UQCR10: variants seen among roughly 807,000 people sequenced by gnomAD.
The protein encoded by UQCR10 is cytochrome b-c1 complex subunit 9.
Under a neutral mutation model 6.0 loss-of-function variants are expected in UQCR10, and 5 were observed. The ratio of observed to expected loss-of-function variants is 0.83; its 90% CI spans 0.43 to 1.74. The LOEUF (loss-of-function observed/expected upper bound fraction) is 1.74, where lower values mean the gene tolerates loss of function less well. Ranked by LOEUF, UQCR10 falls within the 40% of genes most tolerant of loss-of-function variation. The probability of loss-of-function intolerance (pLI) is 0.02; values close to 1 mark genes in which losing one functional copy is unlikely to be tolerated. For synonymous variants in UQCR10, 40 were observed against 37.4 expected (o/e 1.07, Z -0.26); for missense variants, 101 against 85.1 (o/e 1.19, Z -0.74).
chr22:29,767,413 G>A lies in UQCR10; in HGVS notation c.15G>A (p.Thr5=). MAAA[T]LTSKLYSLLF... ...TGTGAAGAAACATGGCGGCCGCGAC[G>A]TTGACTTCGAAATTGTACTCCCTGC... Residue 5 remains threonine (T), a synonymous_variant, in exon 1 of 2, where the codon ACG becomes ACA. Coordinates refer to ENST00000330029, the MANE Select transcript of UQCR10 (RefSeq NM_013387.4). 6.2e-7 allele frequency: 1 copy of A among 1,613,048 alleles called. No individual in the cohort carries two copies.
rs1451300495 is a variant in UQCR10, at chr22:29,769,958, A to G, written c.*239A>G. 1.5e-6 allele frequency: 1 copy of G among 670,132 alleles called. No homozygotes were observed. The highest frequency in any genetic ancestry group is 2.1e-5 in the Admixed American group (1 of 48,752). The allele number at this position is 670,132 out of a possible 1,614,324, so 41.5% of individuals were successfully genotyped here. A position where few individuals can be genotyped will look rare whatever the true frequency, so the allele number is the denominator to read the frequency against. On this transcript the variant is annotated 3_prime_UTR_variant, in exon 2 of 2. Coordinates refer to ENST00000330029, the MANE Select transcript of UQCR10 (RefSeq NM_013387.4). ...AATTGCCCTTGAGACCTGCTTCTAC[A>G]TTGGTTGCTTTGTTAACTCTACCTG...
chr22:29,768,677 A>T (rs1339250290), intron 1 of UQCR10, among the ~76,000 whole-genome samples: 4 of 150,492 alleles, frequency 2.7e-5, no homozygotes, highest in Non-Finnish European at 5.9e-5. Flanking sequence ...CCCAGGTTGG[A>T]GTGCAGTGGC....
At chr22:29,768,252 A>G (rs2068238259) in intron 1 of UQCR10, among the ~76,000 whole-genome samples, 2 of 152,198 alleles carry the variant, frequency 1.3e-5, no homozygotes. Context: ...ATCATTGCTT[A>G]CATTCCTCAG....
At chr22:29,768,474 A>G (rs2068240320) in intron 1 of UQCR10, among the ~76,000 whole-genome samples, 1 of 152,132 alleles carries the variant, frequency 6.6e-6, no homozygotes, top group Non-Finnish European at 1.5e-5. Context: ...CACTAGTGCT[A>G]TGCTGCCTGT....
At position 29,767,608 on chromosome 22, in the gene UQCR10, G is replaced by A. The variant is rs374129740; in HGVS notation, c.150+60G>A. 1.0e-4 allele frequency: 158 copies of A among 1,549,204 alleles called. 1 individual carries two copies. Among genetic ancestry groups the A allele is most frequent in the Non-Finnish European group, 4.9e-5 (55 of 1,133,790 alleles). The stretch of plus-strand genomic sequence containing the variant: ...CCTGAGGGGTGACAGTGGAGTAGAG[G>A]TGGGATGGGACTCAGTATACTTTTA... On this transcript the variant is annotated intron_variant, in intron 1 of 1. Transcript: ENST00000330029.
rs2068253093 is a variant in UQCR10 at position 29,770,095 on chromosome 22, A to T, written c.*376A>T. On this transcript the variant is annotated 3_prime_UTR_variant, in exon 2 of 2. Transcript: ENST00000330029. ...AACTTCCAAAGAATTCTGGTTTTCA[A>T]AACAGGAGCCAGAGTTGGAGATATT... The T allele has an allele frequency of 2.6e-6, 1 of 380,640 alleles. No individual in the cohort carries two copies. The allele number at this position is 380,640 out of a possible 1,614,324, so 23.6% of individuals were successfully genotyped here.
intron 1 of UQCR10, 191 bp downstream of exon 1, chr22:29,767,739 T>G: frequency 1.1e-6 from 1 of 916,096 alleles, no homozygotes; most frequent in Non-Finnish European, 1.6e-6. Flanking sequence ...GGTTAATATA[T>G]TTCATTTTGC....
chr22:29,767,483 G>A lies in UQCR10; in HGVS notation c.85G>A (p.Val29Ile), dbSNP rs757459033. 8 of 1,614,014 alleles carry A rather than the reference G, an allele frequency of 5.0e-6. No individual in the cohort carries two copies. The highest frequency in any genetic ancestry group is 4.4e-5 in the South Asian group (4 of 91,090). Residue 29 changes from valine to isoleucine, a missense_variant, in exon 1 of 2, where the codon GTC becomes ATC. Val to Ile is a conservative substitution (Grantham distance 29). Transcript: ENST00000330029. Reference protein sequence around the residue: ...STFALTIIVGVMFFERAFDQG... With the variant: ...STFALTIIVGIMFFERAFDQG... ...CTTCGCCCTCACCATCATCGTGGGC[G>A]TCATGTTCTTCGAGCGCGCCTTCGA... is the stretch of plus-strand genomic sequence containing the variant.
rs758596969 is a variant in UQCR10, at chr22:29,767,418, C to A, written c.20C>A (p.Thr7Asn). 2.2e-5 allele frequency: 35 copies of A among 1,613,220 alleles called. 1 individual carries two copies. The East Asian group carries it at 7.4e-4, about 34-fold the overall frequency. The change falls in exon 1 of 2, where the codon ACT (threonine) becomes AAT (asparagine). Residue 7 changes from threonine to asparagine, a missense_variant. Thr to Asn is a moderately conservative substitution (Grantham distance 65, BLOSUM62 0). Coordinates refer to ENST00000330029, the MANE Select transcript of UQCR10 (RefSeq NM_013387.4). Reference protein sequence around the residue: MAAATLTSKLYSLLFRR... With the variant: MAAATLNSKLYSLLFRR... The stretch of plus-strand genomic sequence containing the variant: ...AGAAACATGGCGGCCGCGACGTTGA[C>A]TTCGAAATTGTACTCCCTGCTGTTC...
At position 29,769,970 on chromosome 22, in the gene UQCR10, G is replaced by A. The variant is rs1273817187; in HGVS notation, c.*251G>A. ...GACCTGCTTCTACATTGGTTGCTTT[G>A]TTAACTCTACCTGATCTTCACTTGT... is the stretch of plus-strand genomic sequence containing the variant. On this transcript the variant is annotated 3_prime_UTR_variant, in exon 2 of 2. Coordinates refer to ENST00000330029, the MANE Select transcript of UQCR10 (RefSeq NM_013387.4). The A allele has an allele frequency of 1.6e-6, 1 of 644,714 alleles. No homozygotes were observed. Among genetic ancestry groups the A allele is most frequent in the Admixed American group, 2.1e-5 (1 of 48,160 alleles). The allele number at this position is 644,714 out of a possible 1,614,324, so 39.9% of individuals were successfully genotyped here.
intron 1 of UQCR10, among the ~76,000 whole-genome samples, chr22:29,768,035 G>C (rs1352015010): frequency 1.3e-5 from 2 of 152,222 alleles, no homozygotes; most frequent in African/African-American, 4.8e-5. Context: ...TAATGGTTGA[G>C]AGTGGGGGCT....
At chr22:29,768,623 T>TG (rs1327457929) in intron 1 of UQCR10, among the ~76,000 whole-genome samples, 11 of 148,334 alleles carry the variant, frequency 7.4e-5, no homozygotes, top group Admixed American at 2.0e-4. Flanking sequence ...TTGTGCTTTT[T>TG]TTTGTTTTGT....
intron 1 of UQCR10, among the ~76,000 whole-genome samples, chr22:29,768,111 C>T (rs1405816205): frequency 6.6e-6 from 1 of 152,158 alleles, no homozygotes; most frequent in Non-Finnish European, 1.5e-5. Flanking sequence ...TTAAGTTGAG[C>T]AAGTTTCTTC....
chr22:29,768,831 T>C (rs2068244583), intron 1 of UQCR10, among the ~76,000 whole-genome samples: 1 of 152,164 alleles, frequency 6.6e-6, no homozygotes, highest in Non-Finnish European at 1.5e-5. Context: ...TTCACCATGT[T>C]GCCCAGGCTG....
intron 1 of UQCR10, among the ~76,000 whole-genome samples, chr22:29,767,980 A>C (rs950615124): frequency 5.3e-5 from 8 of 152,176 alleles, no homozygotes; most frequent in African/African-American, 1.9e-4. Context: ...GAAGTTTCAG[A>C]CGGCGCTTCT....
At position 29,770,182 on chromosome 22, in the gene UQCR10, T is replaced by C. The variant is rs535671886; in HGVS notation, c.*463T>C. 1.4e-3 allele frequency: 517 copies of C among 358,864 alleles called. 8 individuals carry two copies. The highest frequency in any genetic ancestry group is 0.011 in the South Asian group (507 of 46,678). 22.2% of individuals were successfully genotyped at this position (358,864 alleles called of 1,614,324 possible). ...CTTAAATACCTCACTGTCTTGGCCA[T>C]GGGGAAGCACTATGGCCTCAGCTGG... On this transcript the variant is annotated 3_prime_UTR_variant, in exon 2 of 2. Coordinates refer to ENST00000330029, the MANE Select transcript of UQCR10 (RefSeq NM_013387.4).
At chr22:29,767,643 G>C (rs779309615) in intron 1 of UQCR10, 95 bp downstream of exon 1, 51 of 1,466,748 alleles carry the variant, frequency 3.5e-5, no homozygotes, top group Non-Finnish European at 3.6e-5. Flanking sequence ...ACCAGGAAGG[G>C]GGTAAGGGGT....
intron 1 of UQCR10, 73 bp downstream of exon 1, chr22:29,767,621 C>T: frequency 6.6e-7 from 1 of 1,519,368 alleles, no homozygotes; most frequent in Non-Finnish European, 8.9e-7. Flanking sequence ...GGATGGGACT[C>T]AGTATACTTT....
In UQCR10 at chr22:29,767,407, C is replaced by T. The variant is rs767065729; in HGVS notation, c.9C>T (p.Ala3=). 12 of 1,612,742 alleles carry T rather than the reference C, an allele frequency of 7.4e-6. No homozygotes were observed. In the East Asian group the frequency reaches 2.0e-4, roughly 27 times the overall value. ...TTGGACTGTGAAGAAACATGGCGGC[C>T]GCGACGTTGACTTCGAAATTGTACT... MA[A]ATLTSKLYSL... is the part of the protein sequence containing the mutation. Residue 3 remains alanine, a synonymous_variant, in exon 1 of 2, where the codon GCC becomes GCT. Coordinates refer to ENST00000330029, the MANE Select transcript of UQCR10 (RefSeq NM_013387.4).
Sources: allele counts gnomAD v4.1 joint callset (sites outside exome capture counted in the v4.1 genomes callset), GRCh38; gene constraint gnomAD v4.1.1; transcripts MANE v1.5; gene names NCBI Gene and HGNC (gene_info 2026-07-23, HGNC 2026-07-21).